Variants in FRMD4A observed in about 807,000 individuals in gnomAD.
FRMD4A encodes FERM domain-containing protein 4A.
A neutral mutation model predicts 129.1 loss-of-function variants in FRMD4A; 29 were observed. The observed-to-expected ratio is 0.22, with a 90% CI of 0.17 to 0.31. The LOEUF (loss-of-function observed/expected upper bound fraction) is 0.31. Ranked by LOEUF, FRMD4A falls within the 10% of genes least tolerant of loss-of-function variation. FRMD4A has a pLI of 1.00. For synonymous variants in FRMD4A, 634 were observed against 571.6 expected, an observed-to-expected ratio of 1.11 and a Z score of -1.56; for missense variants, 1,272 against 1,375.8, an observed-to-expected ratio of 0.92 and a Z score of 1.19.
At chr10:14,240,665 T>C (rs947685959) in intron 2 of FRMD4A, among the ~76,000 whole-genome samples, 2 of 152,152 alleles carry the variant, frequency 1.3e-5, no homozygotes. Context: ...ATTTGTCCGT[T>C]CAGCAAGATT....
chr10:14,000,577 G>A (rs1006224817), intron 2 of FRMD4A, among the ~76,000 whole-genome samples: 5 of 134,484 alleles, frequency 3.7e-5, no homozygotes, highest in Non-Finnish European at 6.2e-5. Context: ...AACCCAGGAA[G>A]AGGAGGTTGC....
At chr10:14,084,015 C>A (rs1227259802) in intron 2 of FRMD4A, among the ~76,000 whole-genome samples, 2 of 152,144 alleles carry the variant, frequency 1.3e-5, no homozygotes. Flanking sequence ...CGTGTTTTAG[C>A]CCTTTTAGAC....
At chr10:14,106,067 T>C (rs1837572044) in intron 2 of FRMD4A, among the ~76,000 whole-genome samples, 1 of 152,240 alleles carries the variant, frequency 6.6e-6, no homozygotes, top group South Asian at 2.1e-4. Flanking sequence ...CATTTATTAG[T>C]TAGAATATAC....
At chr10:13,839,292 C>T (rs1282197511) in intron 3 of FRMD4A, among the ~76,000 whole-genome samples, 1 of 152,148 alleles carries the variant, frequency 6.6e-6, no homozygotes, top group African/African-American at 2.4e-5. Context: ...AGGTGTGAGC[C>T]ACCACATCCA....
At chr10:14,190,103 T>C in intron 2 of FRMD4A, among the ~76,000 whole-genome samples, 1 of 152,176 alleles carries the variant, frequency 6.6e-6, no homozygotes, top group South Asian at 2.1e-4. Context: ...ACACTACCCT[T>C]TGACTAAGAA....
intron 2 of FRMD4A, among the ~76,000 whole-genome samples, chr10:14,199,799 G>T (rs1359080221): frequency 1.4e-5 from 2 of 138,706 alleles, no homozygotes; most frequent in South Asian, 2.2e-4. Context: ...GTGAATAAAA[G>T]ACATTAATTT....
chr10:13,989,359 T>A (rs571518808), intron 2 of FRMD4A, among the ~76,000 whole-genome samples: 7 of 152,292 alleles, frequency 4.6e-5, no homozygotes, highest in African/African-American at 1.7e-4. Context: ...GTAATTGATT[T>A]TTTTTTCTTT....
At chr10:13,953,684 C>T (rs185809304) in intron 2 of FRMD4A, among the ~76,000 whole-genome samples, 1 of 152,226 alleles carries the variant, frequency 6.6e-6, no homozygotes, top group Admixed American at 6.5e-5. Flanking sequence ...AGCACAAGAG[C>T]AACGAATCTG....
intron 3 of FRMD4A, among the ~76,000 whole-genome samples, chr10:13,848,377 T>C (rs1436646936): frequency 6.6e-6 from 1 of 152,124 alleles, no homozygotes; most frequent in Non-Finnish European, 1.5e-5. Context: ...CTGCCAAATA[T>C]TGGCAATTTC....
intron 12 of FRMD4A, among the ~76,000 whole-genome samples, chr10:13,734,619 A>G (rs2090515864): frequency 6.7e-6 from 1 of 150,360 alleles, no homozygotes; most frequent in Admixed American, 6.7e-5. Flanking sequence ...GACCCCACTC[A>G]CTCTCTGCTT....
At position 14,238,579 on chromosome 10, in the gene FRMD4A, A is replaced by C. The variant is rs185374393; in HGVS notation, c.45+91479T>G. On this transcript the variant is annotated intron_variant, in intron 2 of 24. Coordinates refer to ENST00000357447, the MANE Select transcript of FRMD4A (RefSeq NM_018027.5). ...TGTGCAGAACGTGCAGGTTTGTTAC[A>C]TAGGTATACATGTGCCTTCATGGTT... 2.3e-4 allele frequency among the ~76,000 whole-genome samples: 35 copies of C among 152,232 alleles called. 1 individual carries two copies. In the East Asian group the frequency reaches 6.7e-3, roughly 29 times the overall value.
chr10:14,160,039 G>T (rs1373062537), intron 2 of FRMD4A, among the ~76,000 whole-genome samples: 1 of 152,048 alleles, frequency 6.6e-6, no homozygotes, highest in South Asian at 2.1e-4. Flanking sequence ...AACAGAGCAA[G>T]ACTCCGTCTC....
At chr10:13,925,586 T>TAGA (rs2095123936) in intron 2 of FRMD4A, among the ~76,000 whole-genome samples, 1 of 92,478 alleles carries the variant, frequency 1.1e-5, no homozygotes, top group African/African-American at 3.9e-5. Context: ...TTTTTTTTTT[T>TAGA]TTTTTTTTTT....
At chr10:13,890,677 C>T (rs2094684732) in intron 2 of FRMD4A, 1 of 985,092 alleles carries the variant, frequency 1.0e-6, no homozygotes, top group African/African-American at 1.7e-5. Flanking sequence ...GCAGTAGCAG[C>T]GTCTCCACTG....
chr10:14,054,013 A>T (rs761465777), intron 2 of FRMD4A, among the ~76,000 whole-genome samples: 14 of 151,816 alleles, frequency 9.2e-5, no homozygotes, highest in African/African-American at 1.7e-4. Context: ...TCCCTACAAA[A>T]TTTTTTTTTA....
rs1173161131 is a variant in FRMD4A at position 13,750,076 on chromosome 10, GAAAGAAAGAAAGA to G, written c.465-2270_465-2258del. On this transcript the variant is annotated intron_variant, in intron 8 of 24. Coordinates refer to ENST00000357447, the MANE Select transcript of FRMD4A (RefSeq NM_018027.5). ...AGGAAGGAAGGAAGGAAGGAAGAAA[GAAAGAAAGAAAGA>G]AAGAAAGAAAGAAAGAAATGAAGAA... 3.7e-3 allele frequency among the ~76,000 whole-genome samples: 270 copies of G among 72,388 alleles called. 2 individuals carry two copies. The highest frequency in any genetic ancestry group is 0.011 in the African/African-American group (238 of 21,624). The allele number at this position is 72,388 out of a possible 152,430, so 47.5% of individuals were successfully genotyped here.
intron 2 of FRMD4A, among the ~76,000 whole-genome samples, chr10:14,095,932 G>T (rs575749163): frequency 2.0e-5 from 3 of 152,156 alleles, no homozygotes; most frequent in Non-Finnish European, 2.9e-5. Flanking sequence ...CATAAGGAGC[G>T]CAAGTGGAAA....
intron 2 of FRMD4A, among the ~76,000 whole-genome samples, chr10:14,327,527 A>G (rs1843324999): frequency 6.6e-6 from 1 of 152,236 alleles, no homozygotes; most frequent in Non-Finnish European, 1.5e-5. Context: ...TCACTCAATG[A>G]GTGGCAAGGC....
intron 2 of FRMD4A, among the ~76,000 whole-genome samples, chr10:14,182,880 T>C (rs1191384046): frequency 6.6e-6 from 1 of 152,122 alleles, no homozygotes; most frequent in East Asian, 1.9e-4. Context: ...GAAGCAAACG[T>C]TGGGAGAAGT....
Sources: allele counts gnomAD v4.1 joint callset (sites outside exome capture counted in the v4.1 genomes callset), GRCh38; gene constraint gnomAD v4.1.1; transcripts MANE v1.5; gene names NCBI Gene and HGNC (gene_info 2026-07-23, HGNC 2026-07-21).